Variants in DENND2B observed in about 807,000 individuals in gnomAD.
The protein encoded by DENND2B is DENN domain containing 2B.
DENND2B carries 32 observed loss-of-function variants against 116.0 expected under a neutral mutation model. The observed-to-expected ratio is 0.28, with a 90% CI of 0.21 to 0.37. The LOEUF (loss-of-function observed/expected upper bound fraction) is 0.37. Among genes scored for constraint, DENND2B ranks in the 10% least tolerant of loss-of-function variants. The probability of loss-of-function intolerance (pLI) is 1.00; values close to 1 mark genes in which losing one functional copy is unlikely to be tolerated. For synonymous variants in DENND2B, 588 were observed against 583.9 expected (o/e 1.01, Z -0.10); for missense variants, 1,276 against 1,477.7 (o/e 0.86, Z 2.24).
chr11:8,725,853 G>A (rs1021242896), intron 4 of DENND2B, among the ~76,000 whole-genome samples: 1 of 152,168 alleles, frequency 6.6e-6, no homozygotes, highest in Non-Finnish European at 1.5e-5. Flanking sequence ...TGTCCCCAAA[G>A]GTCCTTTGGA....
At chr11:8,718,586 G>GCA in intron 4 of DENND2B, 12 of 1,357,658 alleles carry the variant, frequency 8.8e-6, no homozygotes, top group Non-Finnish European at 1.1e-5. Context: ...GCTGATCTCA[G>GCA]CAAAAAGAGA....
At chr11:8,882,684 T>A (rs1181137943) in intron 1 of DENND2B, among the ~76,000 whole-genome samples, 2 of 152,232 alleles carry the variant, frequency 1.3e-5, no homozygotes, top group Non-Finnish European at 2.9e-5. Context: ...TTATTTTTAA[T>A]TTTAAAAGAT....
Position 8,707,068 on chromosome 11 carries a change from G to A in DENND2B, c.2571+17C>T. On this transcript the variant is annotated intron_variant, in intron 13 of 19. Transcript: ENST00000313726. This position sits in a 1 kb window ranked among gnomAD's most constrained non-coding sequence, Gnocchi z 4.8. ...CCCAGCCCGTAGCCCGAGAGAAGAG[G>A]GTGCAGAAATCCCTACCTCATTGCC... 4 of 1,607,632 alleles carry A rather than the reference G, an allele frequency of 2.5e-6. No individual in the cohort carries two copies. Among genetic ancestry groups the A allele is most frequent in the Middle Eastern group, 3.3e-4 (2 of 6,026 alleles).
chr11:8,909,395 A>G (rs1257388181), intron 1 of DENND2B, among the ~76,000 whole-genome samples: 1 of 148,662 alleles, frequency 6.7e-6, no homozygotes, highest in East Asian at 2.0e-4. Context: ...AAGAAGGAAG[A>G]AGGAAGAAGA....
intron 2 of DENND2B, among the ~76,000 whole-genome samples, chr11:8,861,699 G>A (rs903802074): frequency 2.6e-5 from 4 of 152,046 alleles, no homozygotes; most frequent in African/African-American, 9.7e-5. Context: ...CTCAAAGGAT[G>A]AGTCATTATA....
At chr11:8,866,062 C>G (rs2063568107) in intron 2 of DENND2B, among the ~76,000 whole-genome samples, 1 of 152,150 alleles carries the variant, frequency 6.6e-6, no homozygotes, top group Non-Finnish European at 1.5e-5. Context: ...CGGGTTCACG[C>G]CATTCTCCTG....
intron 3 of DENND2B, among the ~76,000 whole-genome samples, chr11:8,846,927 C>G (rs1446495673): frequency 6.6e-6 from 1 of 152,230 alleles, no homozygotes; most frequent in Admixed American, 6.5e-5. Flanking sequence ...GGTGACCCCT[C>G]AATGCTTTAC....
chr11:8,806,299 G>C (rs1333835038), intron 1 of DENND2B, among the ~76,000 whole-genome samples: 1 of 152,292 alleles, frequency 6.6e-6, no homozygotes, highest in Middle Eastern at 3.4e-3. Flanking sequence ...GTGATGACAG[G>C]TCACACAGAG....
chr11:8,879,534 A>ATG (rs978679596), intron 2 of DENND2B, among the ~76,000 whole-genome samples: 11 of 152,230 alleles, frequency 7.2e-5, no homozygotes, highest in Non-Finnish European at 1.2e-4. Context: ...GAGTGACATG[A>ATG]TGTGCATTTG....
At chr11:8,831,337 A>C (rs1056240646) in intron 4 of DENND2B, among the ~76,000 whole-genome samples, 1 of 152,180 alleles carries the variant, frequency 6.6e-6, no homozygotes, top group African/African-American at 2.4e-5. Context: ...ATGCAAGCAT[A>C]ACCTAGCATG....
chr11:8,714,905 T>C (rs2044441944), intron 6 of DENND2B, 199 bp from the exon 7 acceptor site: 1 of 564,156 alleles, frequency 1.8e-6, no homozygotes, highest in Admixed American at 3.2e-5. Context: ...TCCATATACC[T>C]AGTCCCCCAG....
chr11:8,885,652 A>G (rs1223098783), intron 1 of DENND2B, among the ~76,000 whole-genome samples: 2 of 152,278 alleles, frequency 1.3e-5, no homozygotes, highest in Non-Finnish European at 2.9e-5. Flanking sequence ...CCAATAAGGA[A>G]TAAAAATGTT....
At chr11:8,750,870 T>G in intron 1 of DENND2B, 145 bp from the exon 2 acceptor site, 3 of 680,654 alleles carry the variant, frequency 4.4e-6, no homozygotes, top group Non-Finnish European at 5.0e-6. Context: ...TTTAACTCCA[T>G]GTGTTACAGC....
chr11:8,709,626 C>T (rs1441774633), intron 11 of DENND2B, among the ~76,000 whole-genome samples: 1 of 152,240 alleles, frequency 6.6e-6, no homozygotes, highest in African/African-American at 2.4e-5. Context: ...CCCCTCTCCC[C>T]AGTCCATCCT....
intron 13 of DENND2B, 124 bp downstream of exon 13, chr11:8,706,961 C>T: frequency 7.9e-7 from 1 of 1,271,942 alleles, no homozygotes; most frequent in Non-Finnish European, 1.1e-6. Flanking sequence ...TGATGGGGTA[C>T]ACAGACATGG....
At chr11:8,727,763 C>T (rs916234740) in intron 3 of DENND2B, among the ~76,000 whole-genome samples, 4 of 152,110 alleles carry the variant, frequency 2.6e-5, no homozygotes, top group Non-Finnish European at 5.9e-5. Context: ...GACTCAGCAT[C>T]GTATGCAGGT....
In DENND2B at chr11:8,711,126, T is replaced by C; in HGVS notation, c.2278A>G (p.Ser760Gly). ...AKDWLPVSEY[S>G]SETFSFMLTG... ...TCAGGCCAGGCCAGGCCTCACCTGC[T>C]ATACTCTGACACAGGAAGCCAGTCC... The change falls in exon 10 of 20, where the codon AGC becomes GGC. Residue 760 changes from serine to glycine, a missense_variant. Physicochemically the swap from Ser to Gly is moderately conservative, Grantham distance 56. Around this residue, in one of 2 missense-constraint regions of DENND2B, gnomAD observed 420 missense variants for 631.1 expected, o/e 0.67. Transcript: ENST00000313726. 1 of 1,614,082 alleles carries C rather than the reference T, an allele frequency of 6.2e-7. No homozygotes were observed. The highest frequency in any genetic ancestry group is 2.2e-5 in the East Asian group (1 of 44,872).
chr11:8,765,203 G>A (rs145737301), intron 1 of DENND2B, among the ~76,000 whole-genome samples: 1 of 152,250 alleles, frequency 6.6e-6, no homozygotes, highest in African/African-American at 2.4e-5. Flanking sequence ...AGACTGCAGA[G>A]AAAGAGTCTG....
chr11:8,709,032 G>A (rs534386049), intron 11 of DENND2B, among the ~76,000 whole-genome samples: 2 of 152,096 alleles, frequency 1.3e-5, no homozygotes, highest in Admixed American at 6.6e-5. Flanking sequence ...CATGCAGGCT[G>A]CAGTGCCTTC....
Sources: allele counts gnomAD v4.1 joint callset (sites outside exome capture counted in the v4.1 genomes callset), GRCh38; gene constraint gnomAD v4.1.1; regional missense constraint gnomAD v4.1.1; non-coding constraint Gnocchi (gnomAD v3.1); transcripts MANE v1.5; gene names NCBI Gene and HGNC (gene_info 2026-07-23, HGNC 2026-07-21).